The following DST variants were observed in gnomAD, a reference collection of about 807,000 sequenced individuals.
The protein encoded by DST is bullous pemphigoid antigen.
A neutral mutation model predicts 875.2 loss-of-function variants in DST; 253 were observed. The observed-to-expected ratio is 0.29, with a 90% CI of 0.26 to 0.32. The LOEUF is 0.32. Among genes scored for constraint, DST ranks in the 10% least tolerant of loss-of-function variants. The pLI is 1.00. For missense variants in DST, 8,287 were observed against 9,111.6 expected (o/e 0.91, Z 3.68); for synonymous variants, 3,124 against 3,197.1 (o/e 0.98, Z 0.77).
chr6:56,768,357 G>C (rs1268275814), intron 4 of DST, among the ~76,000 whole-genome samples: 1 of 152,054 alleles, frequency 6.6e-6, no homozygotes. Context: ...TCGACCAAAG[G>C]AACATAACAG....
chr6:56,628,142 T>C lies in DST; in HGVS notation c.4495A>G (p.Ile1499Val). 2.5e-6 allele frequency: 4 copies of C among 1,613,790 alleles called. No homozygotes were observed. The highest frequency in any genetic ancestry group is 4.5e-5 in the East Asian group (2 of 44,880). The change falls in exon 33 of 104, where the codon ATT becomes GTT. Residue 1499 changes from isoleucine (I) to valine (V), a missense_variant. Coordinates refer to ENST00000680361, the MANE Select transcript of DST (RefSeq NM_001374736.1). Reference protein sequence around the residue: ...IDNRLRDLEGIGKSLKYYRDT... With the variant: ...IDNRLRDLEGVGKSLKYYRDT... ...CTGTAGTACTTCAGTGATTTGCCAA[T>C]GCCCTCTAAGTCCCGTAACCTAAGA...
At chr6:56,715,861 C>T (rs1209756309) in intron 5 of DST, among the ~76,000 whole-genome samples, 2 of 152,188 alleles carry the variant, frequency 1.3e-5, no homozygotes, top group Non-Finnish European at 1.5e-5. Context: ...CCCTGAAAAT[C>T]ATTTATTGCC....
chr6:56,755,021 C>G (rs2099598109), intron 4 of DST, among the ~76,000 whole-genome samples: 1 of 151,194 alleles, frequency 6.6e-6, no homozygotes, highest in East Asian at 1.9e-4. Flanking sequence ...TTTTTCAGCT[C>G]CGAAGTACAT....
chr6:56,544,423 T>C (rs188972236), intron 61 of DST, among the ~76,000 whole-genome samples: 8 of 152,226 alleles, frequency 5.3e-5, no homozygotes, highest in African/African-American at 1.7e-4. Context: ...TCTAGGCTTA[T>C]GAAAAGCTAA....
At chr6:56,838,246 G>A (rs1346539444) in intron 4 of DST, among the ~76,000 whole-genome samples, 3 of 152,122 alleles carry the variant, frequency 2.0e-5, no homozygotes, top group Non-Finnish European at 4.4e-5. Context: ...ACTCAGTTGT[G>A]GAACTAAAAC....
At chr6:56,768,155 C>T (rs2099639086) in intron 4 of DST, among the ~76,000 whole-genome samples, 2 of 152,002 alleles carry the variant, frequency 1.3e-5, no homozygotes, top group South Asian at 2.1e-4. Flanking sequence ...CATTGTGTAC[C>T]GAGAAAAAGT....
chr6:56,527,742 T>G lies in DST; in HGVS notation c.17681-8A>C. The G allele has an allele frequency of 1.3e-6, 2 of 1,589,812 alleles. No individual in the cohort carries two copies. The highest frequency in any genetic ancestry group is 2.3e-5 in the South Asian group (2 of 86,742). Reference sequence around the variant, plus strand: ...TTATTAAAACTTCATCACCTAAAATTTCAAAGTCACGTTATTTCTTATGAA... The same window carrying G: ...TTATTAAAACTTCATCACCTAAAATGTCAAAGTCACGTTATTTCTTATGAA... On this transcript the variant is annotated splice_polypyrimidine_tract_variant and splice_region_variant and intron_variant, in intron 67 of 103. Transcript: ENST00000680361.
At chr6:56,700,345 A>G (rs1179964869) in intron 8 of DST, among the ~76,000 whole-genome samples, 1 of 152,224 alleles carries the variant, frequency 6.6e-6, no homozygotes, top group Non-Finnish European at 1.5e-5. Flanking sequence ...TCACTTGTCA[A>G]TACAAAAATA....
At chr6:56,886,776 CA>C (rs35735421) in intron 3 of DST, among the ~76,000 whole-genome samples, 8,810 of 82,194 alleles carry the variant, frequency 0.11, 334 homozygotes, top group African/African-American at 0.25. Context: ...AACTCAGTCT[CA>C]AAAAAAAAAA....
intron 72 of DST, among the ~76,000 whole-genome samples, chr6:56,512,686 G>T (rs2096500851): frequency 6.6e-6 from 1 of 152,152 alleles, no homozygotes; most frequent in African/African-American, 2.4e-5. Flanking sequence ...TATTGAAAGT[G>T]TCTACTAAAA....
intron 86 of DST, among the ~76,000 whole-genome samples, chr6:56,489,144 C>CA (rs2095658607): frequency 1.3e-5 from 2 of 152,208 alleles, no homozygotes; most frequent in South Asian, 4.1e-4. Flanking sequence ...TTTTGTCTGT[C>CA]AAAGAAAGTA....
At position 56,605,496 on chromosome 6, in the gene DST, T is replaced by C. The variant is rs1485222404; in HGVS notation, c.9132A>G (p.Ile3044Met). The C allele has an allele frequency of 6.2e-7, 1 of 1,613,076 alleles. No homozygotes were observed. The highest frequency in any genetic ancestry group is 2.2e-5 in the East Asian group (1 of 44,838). ...KGRDGKSDIL[I>M]EDETSIQKMY... ...TTTTCTGAATTGATGTTTCATCTTCTATTAGAATATCACTTTTGCCATCTC... is the reference window on the plus strand; with the variant it reads ...TTTTCTGAATTGATGTTTCATCTTCCATTAGAATATCACTTTTGCCATCTC... The change falls in exon 40 of 104, where the codon ATA becomes ATG. Residue 3044 changes from isoleucine (I) to methionine (M), a missense_variant. Ile to Met is a conservative substitution (Grantham distance 10, BLOSUM62 1). Around this residue, in one of 10 missense-constraint regions of DST, gnomAD observed 3,138 missense variants for 3,116.6 expected, o/e 1.01. Coordinates refer to ENST00000680361, the MANE Select transcript of DST (RefSeq NM_001374736.1).
intron 69 of DST, among the ~76,000 whole-genome samples, chr6:56,522,600 G>A (rs185076128): frequency 2.0e-5 from 3 of 152,080 alleles, no homozygotes; most frequent in Admixed American, 2.0e-4. Context: ...GTTTCCTTCT[G>A]GTCCTTTAAA....
intron 60 of DST, among the ~76,000 whole-genome samples, chr6:56,553,932 G>A (rs980190405): frequency 6.6e-6 from 1 of 152,104 alleles, no homozygotes; most frequent in African/African-American, 2.4e-5. Flanking sequence ...GCATCAAGGT[G>A]CAGGGAGTGG....
At chr6:56,464,887 T>A (rs771363357) in intron 99 of DST, 131 bp from the exon 100 acceptor site, 6 of 672,072 alleles carry the variant, frequency 8.9e-6, no homozygotes, top group Non-Finnish European at 1.5e-5. Context: ...GAAGAAAAGT[T>A]GCATCAGGAA....
chr6:56,881,260 G>A (rs1366920233), intron 3 of DST, among the ~76,000 whole-genome samples: 2 of 152,144 alleles, frequency 1.3e-5, no homozygotes, highest in Non-Finnish European at 2.9e-5. Flanking sequence ...AGATCACGAG[G>A]TCAGGATTTC....
At chr6:56,855,008 G>C (rs1423527498) in intron 3 of DST, among the ~76,000 whole-genome samples, 3 of 152,160 alleles carry the variant, frequency 2.0e-5, no homozygotes, top group African/African-American at 7.2e-5. Flanking sequence ...ATACCAACAA[G>C]GGGGCAGAGT....
At chr6:56,536,635 G>C in intron 62 of DST, 144 bp downstream of exon 62, 1 of 791,298 alleles carries the variant, frequency 1.3e-6, no homozygotes, top group Non-Finnish European at 1.8e-6. Flanking sequence ...GTAGGCATCT[G>C]AGTTTGAGCC....
chr6:56,581,712 T>C (rs2098001454), intron 49 of DST, among the ~76,000 whole-genome samples: 1 of 152,238 alleles, frequency 6.6e-6, no homozygotes, highest in African/African-American at 2.4e-5. Flanking sequence ...TACTCCTGCA[T>C]TTGGATTTCA....
Sources: allele counts gnomAD v4.1 joint callset (sites outside exome capture counted in the v4.1 genomes callset), GRCh38; gene constraint gnomAD v4.1.1; regional missense constraint gnomAD v4.1.1; transcripts MANE v1.5; gene names NCBI Gene and HGNC (gene_info 2026-07-23, HGNC 2026-07-21).